Variants in VPS13D observed in about 807,000 individuals in gnomAD.
The protein encoded by VPS13D is vacuolar protein sorting 13 homolog D.
In VPS13D, 187 loss-of-function variants were observed where a neutral mutation model predicts 461.9. The observed-to-expected ratio is 0.40, with a 90% CI of 0.36 to 0.46. The LOEUF (loss-of-function observed/expected upper bound fraction) is 0.46. VPS13D is among the 20% of genes least tolerant of loss of function. The probability of loss-of-function intolerance (pLI) is 0.60; values close to 1 mark genes in which losing one functional copy is unlikely to be tolerated. For missense variants in VPS13D, 4,711 were observed against 5,364.9 expected, an observed-to-expected ratio of 0.88 and a Z score of 3.81; for synonymous variants, 1,951 against 1,986.3, an observed-to-expected ratio of 0.98 and a Z score of 0.47.
At chr1:12,258,981 A>G (rs1641012056) in intron 10 of VPS13D, among the ~76,000 whole-genome samples, 2 of 152,006 alleles carry the variant, frequency 1.3e-5, no homozygotes, top group South Asian at 4.1e-4. Flanking sequence ...TGACACAGGA[A>G]CCTTATGAGA....
intron 68 of VPS13D, among the ~76,000 whole-genome samples, chr1:12,503,431 A>C (rs1646061168): frequency 1.3e-5 from 2 of 151,632 alleles, no homozygotes; most frequent in African/African-American, 4.8e-5. Flanking sequence ...CGATCCTCCC[A>C]CCTCAGCTTC....
chr1:12,460,997 C>T (rs1331620492), intron 67 of VPS13D, among the ~76,000 whole-genome samples: 5 of 152,174 alleles, frequency 3.3e-5, no homozygotes, highest in African/African-American at 4.8e-5. Flanking sequence ...GCCTTGATAC[C>T]AGCTGAGACT....
At chr1:12,391,503 T>TC (rs142987225) in intron 60 of VPS13D, among the ~76,000 whole-genome samples, 39,314 of 152,048 alleles carry the variant, frequency 0.26, 7,329 homozygotes, top group African/African-American at 0.52. Context: ...ATATACCACT[T>TC]CATTTGATGA....
chr1:12,390,291 C>G (rs1644407520), intron 60 of VPS13D, among the ~76,000 whole-genome samples: 1 of 152,160 alleles, frequency 6.6e-6, no homozygotes, highest in Non-Finnish European at 1.5e-5. Context: ...TCAGAGCATA[C>G]ATAGCCTTCT....
intron 63 of VPS13D, among the ~76,000 whole-genome samples, chr1:12,412,193 C>T (rs186848710): frequency 3.9e-5 from 6 of 152,302 alleles, no homozygotes; most frequent in East Asian, 1.9e-4. Context: ...CATACCATGT[C>T]GATAAGTTGG....
At chr1:12,316,197 A>C (rs1428122374) in intron 30 of VPS13D, among the ~76,000 whole-genome samples, 1 of 152,106 alleles carries the variant, frequency 6.6e-6, no homozygotes, top group East Asian at 1.9e-4. Context: ...TTCTTATCAT[A>C]TTTTTAATAT....
At chr1:12,237,169 C>T (rs1640179115) in intron 2 of VPS13D, among the ~76,000 whole-genome samples, 1 of 151,304 alleles carries the variant, frequency 6.6e-6, no homozygotes, top group Non-Finnish European at 1.5e-5. Context: ...AGATTGCATC[C>T]ACATATGAAA....
chr1:12,457,353 A>G (rs561602429), intron 66 of VPS13D, among the ~76,000 whole-genome samples: 2 of 152,166 alleles, frequency 1.3e-5, no homozygotes, highest in South Asian at 4.2e-4. Context: ...TCCCAACTCA[A>G]TACATTTTCC....
chr1:12,400,715 G>A (rs1644563494), intron 61 of VPS13D, among the ~76,000 whole-genome samples: 1 of 152,144 alleles, frequency 6.6e-6, no homozygotes, highest in Admixed American at 6.5e-5. Context: ...CACTTTGGGA[G>A]GCTAAGGCGG....
chr1:12,335,563 G>T (rs1188060258), intron 38 of VPS13D, 142 bp from the exon 39 acceptor site: 2 of 1,016,898 alleles, frequency 2.0e-6, no homozygotes, highest in African/African-American at 1.6e-5. Context: ...GCTCTCCAGG[G>T]CATAGACTTT....
At chr1:12,334,429 G>A (rs917761075) in intron 38 of VPS13D, among the ~76,000 whole-genome samples, 1 of 152,186 alleles carries the variant, frequency 6.6e-6, no homozygotes, top group African/African-American at 2.4e-5. Context: ...CTTACCTAAA[G>A]GTTCTTATTG....
In VPS13D at chr1:12,416,815, C is replaced by T; in HGVS notation, c.12321C>T (p.Asn4107=). Residue 4107 remains asparagine (N), a synonymous_variant, in exon 65 of 70, where the codon AAC becomes AAT. Coordinates refer to ENST00000620676, the MANE Select transcript of VPS13D (RefSeq NM_015378.4). Reference sequence around the variant, plus strand: ...GAAATGTTACACACGGAGTATCAAACTCTGCTGCCAAGGTAAGGAAATAGA... The same window carrying T: ...GAAATGTTACACACGGAGTATCAAATTCTGCTGCCAAGGTAAGGAAATAGA... ...LIRNVTHGVS[N]SAAKFAGTLS... 1 of 1,611,874 alleles carries T rather than the reference C, an allele frequency of 6.2e-7. No individual in the cohort carries two copies. The highest frequency in any genetic ancestry group is 8.5e-7 in the Non-Finnish European group (1 of 1,179,198).
chr1:12,413,324 A>T (rs554244155), intron 63 of VPS13D, among the ~76,000 whole-genome samples: 2 of 152,018 alleles, frequency 1.3e-5, no homozygotes, highest in South Asian at 2.1e-4. Flanking sequence ...CCAAAATAAA[A>T]AAAAAAAAAA....
chr1:12,234,682 T>C (rs1449654241), intron 2 of VPS13D, among the ~76,000 whole-genome samples: 1 of 152,376 alleles, frequency 6.6e-6, no homozygotes, highest in East Asian at 1.9e-4. Context: ...GACAGTGGCA[T>C]TGACTTTGGC....
chr1:12,284,573 G>C (rs898813113), intron 21 of VPS13D, among the ~76,000 whole-genome samples: 3 of 152,188 alleles, frequency 2.0e-5, no homozygotes, highest in Non-Finnish European at 2.9e-5. Context: ...CCCATTCGAG[G>C]GCACATAGGC....
chr1:12,288,671 T>G (rs972990256), intron 22 of VPS13D, among the ~76,000 whole-genome samples: 2 of 151,620 alleles, frequency 1.3e-5, no homozygotes, highest in African/African-American at 4.9e-5. Flanking sequence ...TTGGGATATT[T>G]TTGAGAGTTA....
intron 12 of VPS13D, among the ~76,000 whole-genome samples, 174 bp from the exon 13 acceptor site, chr1:12,261,727 G>A (rs1448651351): frequency 3.9e-5 from 6 of 152,130 alleles, no homozygotes; most frequent in Admixed American, 3.3e-4. Flanking sequence ...AAAACAATTA[G>A]GGTTGTTTTA....
rs1262825810 is a variant in VPS13D, at chr1:12,502,769, T to A, written c.12795-4084T>A. ...GTGGCCTTCTAGAGAGACATCTCTC[T>A]CCAATCTGCTGATGAGAGGATGTGT... On this transcript the variant is annotated intron_variant, in intron 68 of 69. Coordinates refer to ENST00000620676, the MANE Select transcript of VPS13D (RefSeq NM_015378.4). The surrounding 1 kb of genome is among the most constrained non-coding windows in gnomAD (Gnocchi z 4.3). Among the ~76,000 whole-genome samples the A allele has an allele frequency of 6.6e-6, 1 of 152,068 alleles. No individual in the cohort carries two copies. The highest frequency in any genetic ancestry group is 1.5e-5 in the Non-Finnish European group (1 of 68,018).
intron 65 of VPS13D, among the ~76,000 whole-genome samples, chr1:12,435,897 G>A (rs1002922659): frequency 1.3e-5 from 2 of 152,118 alleles, no homozygotes; most frequent in African/African-American, 4.8e-5. Flanking sequence ...GTGTGTGGCC[G>A]AAACCAGGAA....
Sources: gnomAD v4.1 joint callset for allele counts (sites outside exome capture counted in the v4.1 genomes callset) on GRCh38, gnomAD v4.1.1 for gene constraint, Gnocchi (gnomAD v3.1) non-coding constraint, MANE v1.5 for transcripts, NCBI Gene and HGNC (gene_info 2026-07-23, HGNC 2026-07-21) for gene names.